The following NLGN1 variants were observed in gnomAD, a reference collection of about 807,000 sequenced individuals.
NLGN1 encodes neuroligin-1.
A neutral mutation model predicts 65.5 loss-of-function variants in NLGN1; 12 were observed. The observed-to-expected ratio is 0.18, with a 90% confidence interval of 0.12 to 0.30. NLGN1 has a LOEUF of 0.30. NLGN1 is among the 10% of genes least tolerant of loss of function. NLGN1 has a pLI of 1.00. For missense variants in NLGN1, 750 were observed against 1,007.1 expected, an observed-to-expected ratio of 0.74 and a Z score of 3.46; for synonymous variants, 350 against 359.5, an observed-to-expected ratio of 0.97 and a Z score of 0.30.
chr3:173,916,452 A>T (rs1436184320), intron 4 of NLGN1, among the ~76,000 whole-genome samples: 1 of 152,184 alleles, frequency 6.6e-6, no homozygotes, highest in Non-Finnish European at 1.5e-5. Flanking sequence ...GAGGCACATT[A>T]TTGCAATATA....
chr3:174,275,454 T>C (rs756065800), exon 5 of NLGN1: 47 of 1,612,574 alleles, frequency 2.9e-5, no homozygotes, highest in Non-Finnish European at 4.0e-5. Context: ...GATCTGGTGC[T>C]GGGGGTTCAT....
chr3:173,855,474 A>G (rs1028122664), intron 4 of NLGN1, among the ~76,000 whole-genome samples: 2 of 143,662 alleles, frequency 1.4e-5, no homozygotes, highest in African/African-American at 5.2e-5. Context: ...ACTTGGCAAA[A>G]AAGTTTTATT....
chr3:173,943,404 C>T (rs1746507359), intron 4 of NLGN1, among the ~76,000 whole-genome samples: 1 of 152,148 alleles, frequency 6.6e-6, no homozygotes, highest in African/African-American at 2.4e-5. Flanking sequence ...CTTAAGGCTT[C>T]AGGGCAGCCC....
At chr3:173,544,695 G>T (rs1739472210) in intron 2 of NLGN1, among the ~76,000 whole-genome samples, 1 of 152,000 alleles carries the variant, frequency 6.6e-6, no homozygotes, top group Non-Finnish European at 1.5e-5. Flanking sequence ...AAAAAGATTT[G>T]GCCTAGATAT....
At chr3:174,253,735 T>C (rs1745173909) in intron 4 of NLGN1, among the ~76,000 whole-genome samples, 1 of 152,160 alleles carries the variant, frequency 6.6e-6, no homozygotes, top group African/African-American at 2.4e-5. Context: ...CTCTTCTAAA[T>C]TGACCTTCTA....
intron 4 of NLGN1, among the ~76,000 whole-genome samples, chr3:174,116,885 A>G (rs955441770): frequency 6.6e-5 from 10 of 152,196 alleles, no homozygotes; most frequent in African/African-American, 2.4e-4. Context: ...ATAATTAATA[A>G]AATGATATAT....
At chr3:173,776,736 C>T (rs1780352804) in intron 3 of NLGN1, among the ~76,000 whole-genome samples, 1 of 151,912 alleles carries the variant, frequency 6.6e-6, no homozygotes, top group Non-Finnish European at 1.5e-5. Flanking sequence ...ATGTGGTTGA[C>T]CTTACCACAT....
chr3:173,775,876 T>C (rs1780226054), intron 3 of NLGN1, among the ~76,000 whole-genome samples: 1 of 152,126 alleles, frequency 6.6e-6, no homozygotes, highest in Non-Finnish European at 1.5e-5. Flanking sequence ...AGAACAATTG[T>C]GTGATACAAC....
intron 3 of NLGN1, among the ~76,000 whole-genome samples, chr3:173,674,733 T>G (rs1234039286): frequency 6.6e-6 from 1 of 152,050 alleles, no homozygotes; most frequent in East Asian, 1.9e-4. Flanking sequence ...TGGAGAGACA[T>G]TTCTTAAAGC....
At chr3:173,735,350 A>AT (rs1336202149) in intron 3 of NLGN1, among the ~76,000 whole-genome samples, 1 of 152,060 alleles carries the variant, frequency 6.6e-6, no homozygotes, top group African/African-American at 2.4e-5. Context: ...AAACACTTTT[A>AT]TTTTTTCCCA....
intron 3 of NLGN1, among the ~76,000 whole-genome samples, chr3:173,647,076 A>G (rs1758384167): frequency 6.6e-6 from 1 of 152,168 alleles, no homozygotes; most frequent in African/African-American, 2.4e-5. Flanking sequence ...AACAAAGAAT[A>G]TTACTTGAAT....
At position 174,285,638 on chromosome 3, in the gene NLGN1, A is replaced by T. The variant is rs563375787; in HGVS notation, c.*4335A>T. 3 of 151,546 alleles carry T rather than the reference A, an allele frequency of 2.0e-5. No homozygotes were observed. In the South Asian group the frequency reaches 6.2e-4, roughly 31 times the overall value. The allele number at this position is 151,546 out of a possible 1,614,324, so 9.4% of individuals were successfully genotyped here. A position where few individuals can be genotyped will look rare whatever the true frequency, so the allele number is the denominator to read the frequency against. ...TTGGTGGCCAACTTGATTCTTTTTC[A>T]TAAGCATTCTGATTTGATTTTATTC... On this transcript the variant is annotated 3_prime_UTR_variant, in exon 7 of 7. Coordinates refer to ENST00000457714, the Ensembl canonical transcript of NLGN1.
chr3:174,018,383 A>G (rs1727048632), intron 4 of NLGN1, among the ~76,000 whole-genome samples: 1 of 152,216 alleles, frequency 6.6e-6, no homozygotes, highest in Admixed American at 6.5e-5. Flanking sequence ...GGAAATCACA[A>G]GAATATTGAT....
At chr3:173,751,067 T>C (rs1002023396) in intron 3 of NLGN1, among the ~76,000 whole-genome samples, 2 of 152,120 alleles carry the variant, frequency 1.3e-5, no homozygotes, top group Non-Finnish European at 2.9e-5. Context: ...TTTAGCCATG[T>C]GACAAATGTG....
intron 4 of NLGN1, among the ~76,000 whole-genome samples, chr3:174,004,033 C>A (rs1374001818): frequency 6.6e-6 from 1 of 152,074 alleles, no homozygotes; most frequent in Non-Finnish European, 1.5e-5. Context: ...TCTGCAATTT[C>A]TTTTTCCATG....
intron 2 of NLGN1, among the ~76,000 whole-genome samples, chr3:173,472,773 C>CT (rs1305586726): frequency 6.6e-6 from 1 of 152,076 alleles, no homozygotes; most frequent in Non-Finnish European, 1.5e-5. Context: ...ACTATAGCAT[C>CT]TTTTTTCTCA....
chr3:173,533,958 G>T (rs1227061218), intron 2 of NLGN1, among the ~76,000 whole-genome samples: 1 of 152,036 alleles, frequency 6.6e-6, no homozygotes, highest in African/African-American at 2.4e-5. Flanking sequence ...CTCCAGCATG[G>T]GTCACACAAT....
chr3:173,596,119 A>T (rs1378428077), intron 2 of NLGN1, among the ~76,000 whole-genome samples: 1 of 151,788 alleles, frequency 6.6e-6, no homozygotes, highest in African/African-American at 2.4e-5. Flanking sequence ...TTGTTGGTAA[A>T]TTTTTTTCTC....
intron 3 of NLGN1, among the ~76,000 whole-genome samples, chr3:173,760,468 G>A (rs962354131): frequency 6.6e-6 from 1 of 151,814 alleles, no homozygotes; most frequent in Non-Finnish European, 1.5e-5. Context: ...GACGTGAGAA[G>A]TTTTTATTCT....
Sources: allele counts gnomAD v4.1 joint callset (sites outside exome capture counted in the v4.1 genomes callset), GRCh38; gene constraint gnomAD v4.1.1; transcripts MANE v1.5; gene names NCBI Gene and HGNC (gene_info 2026-07-23, HGNC 2026-07-21).